LIPH: variants seen among roughly 807,000 people sequenced by gnomAD.
LIPH encodes the protein lipase member H.
Under a neutral mutation model 47.6 loss-of-function variants are expected in LIPH, and 32 were observed. That is an observed-to-expected ratio of 0.67 (90% CI 0.51 to 0.90). The LOEUF (loss-of-function observed/expected upper bound fraction) is 0.90, where lower values mean the gene tolerates loss of function less well. Ranked by LOEUF, LIPH falls within the 40% of genes least tolerant of loss-of-function variation. LIPH has a pLI of 0.00. For synonymous variants in LIPH, 190 were observed against 195.6 expected (o/e 0.97, Z 0.24); for missense variants, 497 against 541.4 (o/e 0.92, Z 0.81).
At chr3:185,513,531 A>G (rs1719634903) in intron 8 of LIPH, among the ~76,000 whole-genome samples, 2 of 152,114 alleles carry the variant, frequency 1.3e-5, no homozygotes, top group Admixed American at 1.3e-4. Flanking sequence ...TGGTGTCTCA[A>G]AAAATTAAAA....
At chr3:185,529,936 A>T (rs977333640) in intron 3 of LIPH, among the ~76,000 whole-genome samples, 4 of 50,460 alleles carry the variant, frequency 7.9e-5, no homozygotes, top group African/African-American at 2.1e-4. Flanking sequence ...GAAAGAAAGA[A>T]AGAAAGAAAG....
intron 3 of LIPH, among the ~76,000 whole-genome samples, chr3:185,529,176 C>CAAAAAA (rs1173804674): frequency 7.3e-5 from 4 of 54,422 alleles, no homozygotes; most frequent in Admixed American, 2.7e-4. Flanking sequence ...GACTCCGTCT[C>CAAAAAA]AAAAAAAAAA....
At chr3:185,519,101 G>C in intron 6 of LIPH, 41 bp downstream of exon 6, 1 of 1,562,720 alleles carries the variant, frequency 6.4e-7, no homozygotes, top group Non-Finnish European at 8.8e-7. Context: ...CCAAAAATTA[G>C]TTCTTTGTGA....
rs1416981755 is a variant in LIPH, at chr3:185,506,838, A to AAC, written c.*1951_*1952insGT. On this transcript the variant is annotated 3_prime_UTR_variant, in exon 10 of 10. Coordinates refer to ENST00000296252, the MANE Select transcript of LIPH (RefSeq NM_139248.3). ...CAGAAGGAGACTCCATCTAAAAAAA[A>AAC]AAAAAAAAAAAAAAAAAAAAAACCA... 6.8e-6 allele frequency: 1 copy of AAC among 148,030 alleles called. No homozygotes were observed. Among genetic ancestry groups the AAC allele is most frequent in the East Asian group, 2.0e-4 (1 of 5,110 alleles). 9.2% of individuals were successfully genotyped at this position (148,030 alleles called of 1,614,324 possible).
At chr3:185,527,040 C>T (rs1720126929) in intron 4 of LIPH, among the ~76,000 whole-genome samples, 1 of 152,172 alleles carries the variant, frequency 6.6e-6, no homozygotes, top group East Asian at 1.9e-4. Flanking sequence ...GAGATAGAGA[C>T]CATCCTGGCT....
intron 1 of LIPH, among the ~76,000 whole-genome samples, chr3:185,542,352 G>A (rs894365560): frequency 6.7e-5 from 10 of 149,754 alleles, no homozygotes; most frequent in African/African-American, 2.0e-4. Flanking sequence ...AGTTTTGCTC[G>A]TCGCCCAGGC....
At chr3:185,539,970 A>T (rs1720649822) in intron 1 of LIPH, among the ~76,000 whole-genome samples, 1 of 152,094 alleles carries the variant, frequency 6.6e-6, no homozygotes, top group Admixed American at 6.6e-5. Flanking sequence ...CCCATGTGGC[A>T]CTCTCTAATT....
At chr3:185,522,468 G>A (rs897126699) in intron 5 of LIPH, among the ~76,000 whole-genome samples, 1 of 150,928 alleles carries the variant, frequency 6.6e-6, no homozygotes, top group Non-Finnish European at 1.5e-5. Context: ...GAAGGAAAGG[G>A]AAGGGAAAGG....
rs924631079 is a variant in LIPH, at chr3:185,517,170, A to G, written c.887-8T>C. The G allele has an allele frequency of 1.4e-6, 2 of 1,477,164 alleles. No individual in the cohort carries two copies. Among genetic ancestry groups the G allele is most frequent in the African/African-American group, 2.8e-5 (2 of 72,232 alleles). 91.5% of individuals were successfully genotyped at this position (1,477,164 alleles called of 1,614,324 possible). On this transcript the variant is annotated splice_polypyrimidine_tract_variant and splice_region_variant and intron_variant, in intron 6 of 9. Coordinates refer to ENST00000296252, the MANE Select transcript of LIPH (RefSeq NM_139248.3). ...AATTATCAGCATAATAGCCTATGAA[A>G]CAAGTTTAAAAAATTGTAAGATTAA...
intron 5 of LIPH, 36 bp from the exon 6 acceptor site, chr3:185,519,345 G>A (rs778850746): frequency 1.4e-6 from 2 of 1,437,996 alleles, no homozygotes; most frequent in African/African-American, 1.4e-5. Context: ...GAGTAGAGCG[G>A]TTGAAGCATT....
rs2148947901 is a variant in LIPH at position 185,514,968 on chromosome 3, C to A, written c.983-447G>T. ...CCAATCATGCTCCACCACCTGCACT[C>A]CCTGCACTGTGAAGGCTCCTGGGCC... On this transcript the variant is annotated intron_variant, in intron 7 of 9. Transcript: ENST00000296252. 1.3e-5 allele frequency among the ~76,000 whole-genome samples: 2 copies of A among 152,264 alleles called. 1 individual carries two copies. The highest frequency in any genetic ancestry group is 4.1e-4 in the South Asian group (2 of 4,820).
At chr3:185,536,799 GAA>G (rs1007889311) in intron 1 of LIPH, among the ~76,000 whole-genome samples, 4 of 152,128 alleles carry the variant, frequency 2.6e-5, no homozygotes, top group African/African-American at 9.7e-5. Flanking sequence ...AACAATTAGT[GAA>G]ATTTGTTCCC....
intron 9 of LIPH, among the ~76,000 whole-genome samples, chr3:185,509,941 GTTTTCTT>G (rs1719504257): frequency 7.6e-6 from 1 of 130,950 alleles, no homozygotes; most frequent in Middle Eastern, 3.9e-3. Flanking sequence ...TTCTTTTTTT[GTTTTCTT>G]TTTTTTTTTT....
rs760521912 is a variant in LIPH at position 185,527,598 on chromosome 3, CAG to C, written c.527-15_527-14del. On this transcript the variant is annotated splice_polypyrimidine_tract_variant and intron_variant, in intron 3 of 9. Coordinates refer to ENST00000296252, the MANE Select transcript of LIPH (RefSeq NM_139248.3). ...GCAGGGTCGAGGCCTGGAAGGAAAA[CAG>C]AGTCACTTGGCAGCCCCACACCATG... is the stretch of plus-strand genomic sequence containing the variant. 7 of 1,566,056 alleles carry C rather than the reference CAG, an allele frequency of 4.5e-6. No homozygotes were observed. In the East Asian group the frequency reaches 9.0e-5, roughly 20 times the overall value.
At chr3:185,531,453 G>A (rs1388436193) in intron 3 of LIPH, among the ~76,000 whole-genome samples, 1 of 151,652 alleles carries the variant, frequency 6.6e-6, no homozygotes, top group Admixed American at 6.6e-5. Flanking sequence ...GGCTGAGATG[G>A]GAGCCTCAGA....
intron 1 of LIPH, among the ~76,000 whole-genome samples, chr3:185,536,619 T>G (rs1409074419): frequency 1.3e-5 from 2 of 152,058 alleles, no homozygotes; most frequent in Non-Finnish European, 2.9e-5. Flanking sequence ...GCTCTGGTAC[T>G]CAGGAGTGAG....
At chr3:185,511,845 C>CA (rs1719577621) in intron 8 of LIPH, 148 bp from the exon 9 acceptor site, 1 of 628,386 alleles carries the variant, frequency 1.6e-6, no homozygotes, top group African/African-American at 2.0e-5. Flanking sequence ...TTTTCTGAGA[C>CA]AGGGTTCACA....
intron 2 of LIPH, 46 bp downstream of exon 2, chr3:185,534,719 G>C: frequency 6.2e-7 from 1 of 1,604,710 alleles, no homozygotes; most frequent in Non-Finnish European, 8.5e-7. Flanking sequence ...TCAGATAATG[G>C]GCCAGTTTCA....
intron 1 of LIPH, among the ~76,000 whole-genome samples, chr3:185,547,615 A>G (rs1560173723): frequency 1.3e-5 from 2 of 151,924 alleles, no homozygotes; most frequent in African/African-American, 2.4e-5. Flanking sequence ...GGAGTTTGAG[A>G]CCAGCCTGGC....
Sources: allele counts gnomAD v4.1 joint callset (sites outside exome capture counted in the v4.1 genomes callset), GRCh38; gene constraint gnomAD v4.1.1; transcripts MANE v1.5; gene names NCBI Gene and HGNC (gene_info 2026-07-23, HGNC 2026-07-21).